The following NBPF11 variants were observed in gnomAD, a reference collection of about 807,000 sequenced individuals.
NBPF11 encodes NBPF member 11.
Under a neutral mutation model 93.9 loss-of-function variants are expected in NBPF11, and 72 were observed. The ratio of observed to expected loss-of-function variants is 0.77; its 90% CI spans 0.63 to 0.93. NBPF11 has a LOEUF of 0.93. NBPF11 is among the 40% of genes least tolerant of loss of function. NBPF11 has a pLI of 0.00. For missense variants in NBPF11, 705 were observed against 802.2 expected (o/e 0.88, Z 1.46); for synonymous variants, 224 against 304.9 (o/e 0.73, Z 2.76).
intron 11 of NBPF11, 119 bp downstream of exon 11, chr1:148,118,501 C>G: frequency 9.7e-6 from 8 of 821,160 alleles, no homozygotes; most frequent in Non-Finnish European, 1.3e-5. Context: ...AGCAAACCTG[C>G]CATGGCAATT....
intron 4 of NBPF11, among the ~76,000 whole-genome samples, chr1:148,131,477 T>C (rs1670328805): frequency 1.3e-5 from 2 of 151,474 alleles, no homozygotes; most frequent in Admixed American, 6.6e-5. Flanking sequence ...CAGAGGAAGG[T>C]CTTTAGGACT....
At position 148,122,076 on chromosome 1, in the gene NBPF11, C is replaced by G. The variant is rs1668005365; in HGVS notation, c.757G>C (p.Asp253His). The part of the protein sequence containing the change: ...DRESSHDGCQ[D>H]ALNILPVPGP... Reference sequence around the variant, plus strand: ...CTACCTGGGAGAATGTTTAGAGCATCCTGACATCCATCATGAGAGGATTCT... The same window carrying G: ...CTACCTGGGAGAATGTTTAGAGCATGCTGACATCCATCATGAGAGGATTCT... Residue 253 changes from aspartate (D) to histidine (H), a missense_variant, in exon 9 of 24, where the codon GAT becomes CAT. By Grantham distance (81) the Asp-to-His change is moderately conservative. This residue lies in a region of NBPF11 where 262 missense variants were observed against 223.1 expected (regional missense o/e 1.17). Coordinates refer to ENST00000682118, the MANE Select transcript of NBPF11 (RefSeq NM_001385469.3). 10 of 1,611,118 alleles carry G rather than the reference C, an allele frequency of 6.2e-6. No homozygotes were observed. In the Admixed American group the frequency reaches 1.0e-4, roughly 16 times the overall value.
chr1:148,122,576 T>C (rs1668115761), intron 8 of NBPF11, among the ~76,000 whole-genome samples, 153 bp downstream of exon 8: 1 of 152,106 alleles, frequency 6.6e-6, no homozygotes, highest in Non-Finnish European at 1.5e-5. Context: ...ACACAACAGC[T>C]GCCGCACCCT....
At position 148,103,627 on chromosome 1, in the gene NBPF11, C is replaced by G. The variant is rs1285931510; in HGVS notation, c.*269G>C. 5.0e-6 allele frequency: 8 copies of G among 1,610,780 alleles called. No homozygotes were observed. The highest frequency in any genetic ancestry group is 6.8e-6 in the Non-Finnish European group (8 of 1,178,948). ...TTCAAATCTTCAGGTGCCTATAGGT[C>G]CTGCCTGCAGGAATGACACCTCTCG... On this transcript the variant is annotated 3_prime_UTR_variant, in exon 24 of 24. Coordinates refer to ENST00000682118, the MANE Select transcript of NBPF11 (RefSeq NM_001385469.3).
chr1:148,103,602 T>A lies in NBPF11; in HGVS notation c.*294A>T, dbSNP rs1357616955. 2 of 1,609,550 alleles carry A rather than the reference T, an allele frequency of 1.2e-6. No individual in the cohort carries two copies. Among genetic ancestry groups the A allele is most frequent in the South Asian group, 1.1e-5 (1 of 90,958 alleles). On this transcript the variant is annotated 3_prime_UTR_variant, in exon 24 of 24. Transcript: ENST00000682118. ...GCTTCCAAATGGAACTATAGTTTCA[T>A]TCAAATCTTCAGGTGCCTATAGGTC...
chr1:148,109,481 G>C, intron 16 of NBPF11, 146 bp from the exon 17 acceptor site: 1 of 716,064 alleles, frequency 1.4e-6, no homozygotes, highest in African/African-American at 1.9e-5. Context: ...CAGTAGGCCT[G>C]AGGTCAAGTC....
At chr1:148,108,285 A>G (rs1664274409) in intron 18 of NBPF11, among the ~76,000 whole-genome samples, 197 bp downstream of exon 18, 1 of 151,854 alleles carries the variant, frequency 6.6e-6, no homozygotes, top group Non-Finnish European at 1.5e-5. Flanking sequence ...TGAGACTAGG[A>G]AGAGAGCCTT....
intron 1 of NBPF11, among the ~76,000 whole-genome samples, chr1:148,146,109 C>G (rs1352461158): frequency 6.6e-6 from 1 of 151,412 alleles, no homozygotes; most frequent in Non-Finnish European, 1.5e-5. Flanking sequence ...GGCGGGCGGC[C>G]GGGAGCCATG....
chr1:148,131,905 T>A (rs1478773112), intron 4 of NBPF11, among the ~76,000 whole-genome samples: 1 of 98,688 alleles, frequency 1.0e-5, no homozygotes, highest in Admixed American at 1.1e-4. Flanking sequence ...GTGCTTTATA[T>A]CCTCACCAAC....
At position 148,124,027 on chromosome 1, in the gene NBPF11, T is replaced by C; in HGVS notation, c.319A>G (p.Thr107Ala). 1.2e-5 allele frequency: 19 copies of C among 1,578,508 alleles called. No homozygotes were observed. The highest frequency in any genetic ancestry group is 1.7e-5 in the Non-Finnish European group (19 of 1,149,894). The change falls in exon 7 of 24, where the codon ACC becomes GCC. Residue 107 changes from threonine (T) to alanine (A), a missense_variant. Thr to Ala is a moderately conservative substitution (Grantham distance 58). Transcript: ENST00000682118. ...VLVHSQEREL[T>A]QLREKLREGR... ...TCCCGTAACTTCTCCCTTAACTGGG[T>C]CAGCTCTCGTTCCTGAGAGTGAACC...
In NBPF11 at chr1:148,119,481, C is replaced by A. The variant is rs1230915118; in HGVS notation, c.989-759G>T. 2.6e-5 allele frequency among the ~76,000 whole-genome samples: 4 copies of A among 151,954 alleles called. No individual in the cohort carries two copies. The South Asian group carries it at 8.3e-4, about 32-fold the overall frequency. On this transcript the variant is annotated intron_variant, in intron 10 of 23. Transcript: ENST00000682118. ...GAAACTGAGGGACAGAGAAGACAAG[C>A]ACCTTGGATGGAGCCCAGGAGACAG...
chr1:148,126,750 G>C, intron 5 of NBPF11, 79 bp downstream of exon 5: 1 of 1,331,782 alleles, frequency 7.5e-7, no homozygotes, highest in Non-Finnish European at 1.1e-6. Context: ...GTACAGGAAG[G>C]ATGAAATTAT....
chr1:148,133,438 T>C (rs1446113124), intron 4 of NBPF11, among the ~76,000 whole-genome samples: 1 of 152,198 alleles, frequency 6.6e-6, no homozygotes, highest in Non-Finnish European at 1.5e-5. Flanking sequence ...TTTAATATAA[T>C]GTTACCTGTG....
Position 148,109,437 on chromosome 1 carries a change from A to C in NBPF11, c.1802-102T>G, listed in dbSNP as rs1664723566. 2.4e-5 allele frequency: 21 copies of C among 860,532 alleles called. No individual in the cohort carries two copies. The Admixed American group carries it at 3.4e-4, about 14-fold the overall frequency. The allele number at this position is 860,532 out of a possible 1,614,324, so 53.3% of individuals were successfully genotyped here. ...CTAACACAGGGACATCAGTCTTGTCAGTGTGAAAACAGGAGACTTTGAGAG... is the reference window on the plus strand; with the variant it reads ...CTAACACAGGGACATCAGTCTTGTCCGTGTGAAAACAGGAGACTTTGAGAG... On this transcript the variant is annotated intron_variant, in intron 16 of 23. Transcript: ENST00000682118.
intron 2 of NBPF11, among the ~76,000 whole-genome samples, chr1:148,141,064 C>T (rs1333159359): frequency 1.3e-5 from 2 of 151,914 alleles, no homozygotes; most frequent in African/African-American, 2.4e-5. Flanking sequence ...AACCTACATA[C>T]TGTAATTCCA....
chr1:148,104,000 T>G, intron 23 of NBPF11, 88 bp from the exon 24 acceptor site: 9 of 1,607,230 alleles, frequency 5.6e-6, no homozygotes, highest in Non-Finnish European at 7.6e-6. Flanking sequence ...CATAAGGAAG[T>G]GGTTGGAAAA....
chr1:148,121,104 G>A (rs1323526368), intron 9 of NBPF11, among the ~76,000 whole-genome samples: 1 of 151,634 alleles, frequency 6.6e-6, no homozygotes, highest in Non-Finnish European at 1.5e-5. Context: ...CAGTGCAGAG[G>A]CACAATCTCA....
In NBPF11 at chr1:148,103,835, G is replaced by C. The variant is rs1339540400; in HGVS notation, c.*61C>G. ...TGAGTCAGGTAGTTCAAAGTACATT[G>C]ATGGAGTCGAATAATATCTATCCAG... On this transcript the variant is annotated 3_prime_UTR_variant, in exon 24 of 24. Transcript: ENST00000682118. The C allele has an allele frequency of 1.9e-6, 3 of 1,611,420 alleles. No individual in the cohort carries two copies. Among genetic ancestry groups the C allele is most frequent in the East Asian group, 2.2e-5 (1 of 44,888 alleles).
intron 7 of NBPF11, among the ~76,000 whole-genome samples, chr1:148,123,607 T>C (rs1251708232): frequency 1.0e-3 from 145 of 142,924 alleles, no homozygotes; most frequent in South Asian, 2.9e-3. Context: ...TAAAACTAGA[T>C]AGATGCTGCC....
Sources: gnomAD v4.1 joint callset for allele counts (sites outside exome capture counted in the v4.1 genomes callset) on GRCh38, gnomAD v4.1.1 for gene constraint, gnomAD v4.1.1 regional missense constraint, MANE v1.5 for transcripts, NCBI Gene and HGNC (gene_info 2026-07-23, HGNC 2026-07-21) for gene names.